Variants in CRPPA observed in about 807,000 individuals in gnomAD.
The protein encoded by CRPPA is CDP-L-ribitol pyrophosphorylase A, also known as D-ribitol-5-phosphate cytidylyltransferase.
A neutral mutation model predicts 52.0 loss-of-function variants in CRPPA; 43 were observed. The ratio of observed to expected loss-of-function variants is 0.83; its 90% CI spans 0.65 to 1.07. The LOEUF (loss-of-function observed/expected upper bound fraction) is 1.07, where lower values mean the gene tolerates loss of function less well. Among genes scored for constraint, CRPPA ranks in the 50% least tolerant of loss-of-function variants. The pLI is 0.00. For synonymous variants in CRPPA, 250 were observed against 203.5 expected (o/e 1.23, Z -1.94); for missense variants, 629 against 551.7 (o/e 1.14, Z -1.40).
intron 3 of CRPPA, among the ~76,000 whole-genome samples, chr7:16,365,515 T>A (rs543965255): frequency 2.0e-5 from 3 of 152,220 alleles, no homozygotes; most frequent in Admixed American, 2.0e-4. Context: ...CAGGAGACAG[T>A]GAATAATGAA....
intron 3 of CRPPA, among the ~76,000 whole-genome samples, chr7:16,339,131 A>T (rs1000666718): frequency 1.1e-4 from 17 of 152,156 alleles, no homozygotes; most frequent in African/African-American, 4.1e-4. Flanking sequence ...GGAAGAAGTT[A>T]TACCAATTCT....
At chr7:16,261,201 T>C (rs1783786743) in intron 6 of CRPPA, among the ~76,000 whole-genome samples, 1 of 152,108 alleles carries the variant, frequency 6.6e-6, no homozygotes, top group Non-Finnish European at 1.5e-5. Flanking sequence ...AAACCAAATG[T>C]AGTAAAACCA....
intron 8 of CRPPA, among the ~76,000 whole-genome samples, chr7:16,239,152 A>G (rs1048908069): frequency 2.0e-5 from 3 of 151,108 alleles, no homozygotes; most frequent in African/African-American, 7.3e-5. Context: ...AAAAAAAAAA[A>G]AAAAAGCCAT....
rs1190824319 is a variant in CRPPA at position 16,089,929 on chromosome 7, T to C, written c.*1766A>G. ...GGCACTTACCCTCTCTTTAAAGCCT[T>C]GATAACATTTCCCCTTCTTCCTTTA... is the stretch of plus-strand genomic sequence containing the variant. On this transcript the variant is annotated 3_prime_UTR_variant, in exon 10 of 10. Coordinates refer to ENST00000407010, the MANE Select transcript of CRPPA (RefSeq NM_001101426.4). 6.4e-6 allele frequency: 1 copy of C among 156,632 alleles called. No homozygotes were observed. 9.7% of individuals were successfully genotyped at this position (156,632 alleles called of 1,614,324 possible). A position where few individuals can be genotyped will look rare whatever the true frequency, so the allele number is the denominator to read the frequency against.
chr7:16,245,294 T>G (rs1783239273), intron 8 of CRPPA, among the ~76,000 whole-genome samples: 1 of 152,250 alleles, frequency 6.6e-6, no homozygotes, highest in Non-Finnish European at 1.5e-5. Flanking sequence ...TTTAAGACTT[T>G]CATTTTACTC....
intron 2 of CRPPA, among the ~76,000 whole-genome samples, chr7:16,382,847 TC>T (rs2128313383): frequency 6.6e-6 from 1 of 152,274 alleles, no homozygotes; most frequent in African/African-American, 2.4e-5. Flanking sequence ...CTCCATCAGC[TC>T]CTTTAAGCAC....
rs1395997266 is a variant in CRPPA at position 16,217,204 on chromosome 7, A to G, written c.1120-1007T>C. ...ACACTGACACCTCACACGGCAGGGT[A>G]TTCCAACAGACCTGCAGCTGAGGGT... On this transcript the variant is annotated intron_variant, in intron 8 of 9. Coordinates refer to ENST00000407010, the MANE Select transcript of CRPPA (RefSeq NM_001101426.4). Among the ~76,000 whole-genome samples, 832 of 145,054 alleles carry G rather than the reference A, an allele frequency of 5.7e-3. 1 individual carries two copies. The highest frequency in any genetic ancestry group is 0.01 in the Non-Finnish European group (662 of 65,302).
intron 3 of CRPPA, among the ~76,000 whole-genome samples, chr7:16,356,740 A>G (rs1250160389): frequency 6.6e-6 from 1 of 152,184 alleles, no homozygotes; most frequent in Non-Finnish European, 1.5e-5. Flanking sequence ...TAGATTCATC[A>G]TAGTTATTTT....
At chr7:16,143,915 T>A (rs1782921744) in intron 9 of CRPPA, among the ~76,000 whole-genome samples, 1 of 151,984 alleles carries the variant, frequency 6.6e-6, no homozygotes, top group South Asian at 2.1e-4. Flanking sequence ...GGAATTAGAA[T>A]CCAGAACATT....
intron 3 of CRPPA, among the ~76,000 whole-genome samples, chr7:16,368,381 TAATAA>T (rs1176570761): frequency 6.6e-6 from 1 of 152,212 alleles, no homozygotes; most frequent in East Asian, 1.9e-4. Flanking sequence ...TCTCCAATCT[TAATAA>T]AATAAAACTG....
At chr7:16,286,070 T>TA (rs1784434938) in intron 5 of CRPPA, among the ~76,000 whole-genome samples, 2 of 21,768 alleles carry the variant, frequency 9.2e-5, no homozygotes, top group African/African-American at 3.1e-4. Context: ...TATATATATA[T>TA]ATATATATAT....
At chr7:16,389,918 A>ATATATAT (rs1244722979) in intron 2 of CRPPA, among the ~76,000 whole-genome samples, 15 of 62,988 alleles carry the variant, frequency 2.4e-4, no homozygotes, top group African/African-American at 9.2e-4. Flanking sequence ...GTATACAAAA[A>ATATATAT]AAAAAAAAAA....
intron 2 of CRPPA, among the ~76,000 whole-genome samples, chr7:16,403,731 T>C (rs2128318037): frequency 6.6e-6 from 1 of 152,288 alleles, no homozygotes; most frequent in Non-Finnish European, 1.5e-5. Flanking sequence ...CTGAGAATAC[T>C]GGGACACTAT....
At chr7:16,219,736 A>G (rs1337466384) in intron 8 of CRPPA, among the ~76,000 whole-genome samples, 1 of 123,316 alleles carries the variant, frequency 8.1e-6, no homozygotes, top group Non-Finnish European at 1.8e-5. Context: ...TCCCAAGACT[A>G]AACCAGGAAG....
intron 9 of CRPPA, among the ~76,000 whole-genome samples, chr7:16,111,155 C>T (rs184584829): frequency 1.3e-4 from 19 of 151,968 alleles, no homozygotes; most frequent in African/African-American, 2.9e-4. Context: ...AAAATACAAA[C>T]GGCCAACAAG....
intron 6 of CRPPA, among the ~76,000 whole-genome samples, chr7:16,259,411 A>C (rs904527058): frequency 1.3e-5 from 2 of 152,006 alleles, no homozygotes; most frequent in Non-Finnish European, 2.9e-5. Flanking sequence ...CAGGGAATAG[A>C]CTTCACTAAA....
At position 16,180,521 on chromosome 7, in the gene CRPPA, G is replaced by C. The variant is rs140626476; in HGVS notation, c.1251+35545C>G. 1.8e-4 allele frequency among the ~76,000 whole-genome samples: 28 copies of C among 152,192 alleles called. No homozygotes were observed. The East Asian group carries it at 4.4e-3, about 24-fold the overall frequency. On this transcript the variant is annotated intron_variant, in intron 9 of 9. Coordinates refer to ENST00000407010, the MANE Select transcript of CRPPA (RefSeq NM_001101426.4). ...GGTAGTTTCATCGATCTAGGCATAAGTGGTTGCTAATTTCTCTAATCTCAT... is the reference window on the plus strand; with the variant it reads ...GGTAGTTTCATCGATCTAGGCATAACTGGTTGCTAATTTCTCTAATCTCAT...
chr7:16,095,179 T>C (rs1781912287), intron 9 of CRPPA, among the ~76,000 whole-genome samples: 1 of 152,228 alleles, frequency 6.6e-6, no homozygotes. Flanking sequence ...ACAAATGTTA[T>C]GTTCCGGATT....
intron 9 of CRPPA, among the ~76,000 whole-genome samples, chr7:16,112,619 C>T (rs1782289361): frequency 6.6e-6 from 1 of 152,126 alleles, no homozygotes; most frequent in Non-Finnish European, 1.5e-5. Context: ...TTACCTAAGA[C>T]TCCTGGCTGT....
Sources: allele counts gnomAD v4.1 joint callset (sites outside exome capture counted in the v4.1 genomes callset), GRCh38; gene constraint gnomAD v4.1.1; transcripts MANE v1.5; gene names NCBI Gene and HGNC (gene_info 2026-07-23, HGNC 2026-07-21).